Variants in ULK4 observed in about 807,000 individuals in gnomAD.
ULK4 encodes the protein unc-51 like kinase 4, also known as inactive serine/threonine-protein kinase ULK4.
A neutral mutation model predicts 160.6 loss-of-function variants in ULK4; 133 were observed. That is an observed-to-expected ratio of 0.83 (90% confidence interval 0.72 to 0.96). The LOEUF (loss-of-function observed/expected upper bound fraction) is 0.96. Among genes scored for constraint, ULK4 ranks in the 40% least tolerant of loss-of-function variants. The probability of loss-of-function intolerance (pLI) is 0.00; values close to 1 mark genes in which losing one functional copy is unlikely to be tolerated. For missense variants in ULK4, 1,580 were observed against 1,499.5 expected (o/e 1.05, Z -0.89); for synonymous variants, 534 against 539.8 (o/e 0.99, Z 0.15).
chr3:41,342,089 T>C (rs1440078693), intron 35 of ULK4, among the ~76,000 whole-genome samples: 3 of 152,190 alleles, frequency 2.0e-5, no homozygotes, highest in African/African-American at 7.2e-5. Flanking sequence ...GTTTAATAAG[T>C]TTCCCTCACT....
chr3:41,478,664 A>G (rs2125893978), intron 32 of ULK4, among the ~76,000 whole-genome samples: 1 of 152,348 alleles, frequency 6.6e-6, no homozygotes, highest in East Asian at 1.9e-4. Context: ...AAACTCAATT[A>G]TAAAATCCCT....
chr3:41,892,624 C>T (rs567487015), intron 16 of ULK4, among the ~76,000 whole-genome samples: 38 of 152,252 alleles, frequency 2.5e-4, no homozygotes, highest in African/African-American at 8.4e-4. Flanking sequence ...TTAAAATAAA[C>T]GTAGAAATTG....
Position 41,883,972 on chromosome 3 carries a change from A to G in ULK4, c.1578-20T>C. On this transcript the variant is annotated intron_variant, in intron 16 of 36. Coordinates refer to ENST00000301831, the MANE Select transcript of ULK4 (RefSeq NM_017886.4). ...GCCCGTCTGTAAATGGAGAGAAAAC[A>G]GGCTCTGAAAAGAAGAGTCGGGGAC... The G allele has an allele frequency of 6.4e-7, 1 of 1,570,816 alleles. No individual in the cohort carries two copies.
At chr3:41,431,386 A>G (rs1433292839) in intron 34 of ULK4, among the ~76,000 whole-genome samples, 3 of 148,860 alleles carry the variant, frequency 2.0e-5, no homozygotes, top group Non-Finnish European at 3.0e-5. Flanking sequence ...TAATAATAAT[A>G]ATAATAATAA....
chr3:41,845,342 A>C (rs2042045014), intron 17 of ULK4, among the ~76,000 whole-genome samples: 1 of 152,220 alleles, frequency 6.6e-6, no homozygotes, highest in African/African-American at 2.4e-5. Flanking sequence ...ACAGCAATAA[A>C]AATGAACAAA....
chr3:41,279,087 T>C (rs574972722), intron 35 of ULK4, among the ~76,000 whole-genome samples: 2 of 151,846 alleles, frequency 1.3e-5, no homozygotes, highest in East Asian at 1.9e-4. Context: ...GAATAAACAG[T>C]GTAGAGAACA....
At chr3:41,911,504 A>G (rs1210277966) in intron 10 of ULK4, 37 bp downstream of exon 10, 2 of 1,596,450 alleles carry the variant, frequency 1.3e-6, no homozygotes, top group Admixed American at 3.3e-5. Flanking sequence ...CTCAAACAAC[A>G]TTCTAAGTAG....
At chr3:41,680,919 T>A (rs2035902152) in intron 29 of ULK4, among the ~76,000 whole-genome samples, 1 of 152,208 alleles carries the variant, frequency 6.6e-6, no homozygotes, top group Non-Finnish European at 1.5e-5. Context: ...AACTATAAGG[T>A]GAGATTTTAG....
In ULK4 at chr3:41,415,523, G is replaced by A. The variant is rs76477742; in HGVS notation, c.3493-17259C>T. On this transcript the variant is annotated intron_variant, in intron 34 of 36. Transcript: ENST00000301831. ...TCACTCCTCTAAACTTATCAAGCACGGTGCCGCTCAGGGTATTTGCATCTG... is the reference window on the plus strand; with the variant it reads ...TCACTCCTCTAAACTTATCAAGCACAGTGCCGCTCAGGGTATTTGCATCTG... Among the ~76,000 whole-genome samples the A allele has an allele frequency of 4.6e-3, 693 of 152,176 alleles. 9 individuals carry two copies. The highest frequency in any genetic ancestry group is 0.016 in the African/African-American group (652 of 41,516).
At chr3:41,416,457 T>C (rs372694630) in intron 34 of ULK4, among the ~76,000 whole-genome samples, 105 of 152,298 alleles carry the variant, frequency 6.9e-4, no homozygotes, top group African/African-American at 2.5e-3. Context: ...CGCCGTCATG[T>C]AACAAAAGGC....
intron 34 of ULK4, among the ~76,000 whole-genome samples, chr3:41,424,831 C>CAAAAAA (rs36097613): frequency 1.6e-5 from 1 of 62,396 alleles, no homozygotes; most frequent in African/African-American, 6.5e-5. Context: ...AAGAAATCAT[C>CAAAAAA]AAAAAAAAAA....
chr3:41,564,410 C>G (rs1459254314), intron 32 of ULK4, among the ~76,000 whole-genome samples: 2 of 148,232 alleles, frequency 1.3e-5, no homozygotes, highest in Non-Finnish European at 3.0e-5. Flanking sequence ...CCACTGCTCT[C>G]TTCACAGCTG....
At chr3:41,663,850 C>A in intron 29 of ULK4, 151 bp from the exon 30 acceptor site, 1 of 628,992 alleles carries the variant, frequency 1.6e-6, no homozygotes, top group Non-Finnish European at 2.7e-6. Context: ...CTCATGTGCC[C>A]CTTCTCAGAA....
chr3:41,803,751 T>C (rs979470529), intron 19 of ULK4, among the ~76,000 whole-genome samples: 1 of 152,152 alleles, frequency 6.6e-6, no homozygotes, highest in Admixed American at 6.5e-5. Context: ...TTTTTTGTCC[T>C]TGCAATAGTT....
intron 17 of ULK4, among the ~76,000 whole-genome samples, chr3:41,868,671 T>G (rs1295202719): frequency 3.9e-5 from 6 of 151,934 alleles, no homozygotes; most frequent in Non-Finnish European, 7.4e-5. Context: ...TTTTGTATTT[T>G]TTTTTTAGTA....
chr3:41,486,385 T>C lies in ULK4; in HGVS notation c.3227-23132A>G, dbSNP rs764368555. 4.1e-4 allele frequency among the ~76,000 whole-genome samples: 62 copies of C among 152,168 alleles called. 1 individual carries two copies. Among genetic ancestry groups the C allele is most frequent in the Non-Finnish European group, 4.0e-4 (27 of 68,002 alleles). On this transcript the variant is annotated intron_variant, in intron 32 of 36. Coordinates refer to ENST00000301831, the MANE Select transcript of ULK4 (RefSeq NM_017886.4). ...CAATGAACATTAAAGTGTGCAGAAA[T>C]AAACAAAGGTAACCCAAATGAGAAC...
intron 16 of ULK4, among the ~76,000 whole-genome samples, chr3:41,885,957 T>G (rs1629460): frequency 0.69 from 104,257 of 151,510 alleles, 39,184 homozygotes; most frequent in East Asian, 0.83. Context: ...GGATTACAGG[T>G]GTGAGCTACT....
intron 35 of ULK4, among the ~76,000 whole-genome samples, chr3:41,394,473 A>C (rs895886524): frequency 2.0e-5 from 3 of 152,122 alleles, no homozygotes; most frequent in Non-Finnish European, 4.4e-5. Context: ...GCATACCTTA[A>C]ATGTGCTCAG....
chr3:41,838,678 A>T (rs985296843), intron 17 of ULK4, among the ~76,000 whole-genome samples: 28 of 152,244 alleles, frequency 1.8e-4, no homozygotes. Context: ...CTAAGTCAAT[A>T]AATCAATAAA....
Sources: allele counts gnomAD v4.1 joint callset (sites outside exome capture counted in the v4.1 genomes callset), GRCh38; gene constraint gnomAD v4.1.1; transcripts MANE v1.5; gene names NCBI Gene and HGNC (gene_info 2026-07-23, HGNC 2026-07-21).